Variants in EBF2 observed in about 807,000 individuals in gnomAD.
The protein encoded by EBF2 is transcription factor COE2.
In EBF2, 21 loss-of-function variants were observed where a neutral mutation model predicts 72.8. The observed-to-expected ratio is 0.29, with a 90% confidence interval of 0.20 to 0.42. The LOEUF is 0.42. Ranked by LOEUF, EBF2 falls within the 10% of genes least tolerant of loss-of-function variation. The pLI is 1.00. For synonymous variants in EBF2, 299 were observed against 274.2 expected, an observed-to-expected ratio of 1.09 and a Z score of -0.89; for missense variants, 637 against 731.2, an observed-to-expected ratio of 0.87 and a Z score of 1.49.
chr8:25,988,223 A>G (rs1236378095), intron 6 of EBF2, among the ~76,000 whole-genome samples: 2 of 152,080 alleles, frequency 1.3e-5, no homozygotes, highest in African/African-American at 4.8e-5. Context: ...CTCATCAAAG[A>G]GCTGCCCACA....
chr8:26,006,846 G>T (rs368410503), intron 6 of EBF2, among the ~76,000 whole-genome samples: 8 of 152,176 alleles, frequency 5.3e-5, no homozygotes, highest in Admixed American at 5.2e-4. Flanking sequence ...TGAGTAATTT[G>T]AACACAGCAG....
Position 26,044,799 on chromosome 8 carries a change from C to T in EBF2, c.61G>A (p.Ala21Thr), listed in dbSNP as rs545327036. Residue 21 changes from alanine (A) to threonine (T), a missense_variant, in exon 1 of 16, where the codon GCG becomes ACG. Transcript: ENST00000520164. This position sits in a 1 kb window ranked among gnomAD's most constrained non-coding sequence, Gnocchi z 4.1. ...GPTLKEKSLGAEMDSVRSWVR... is the reference protein window; with the variant it reads ...GPTLKEKSLGTEMDSVRSWVR... ...CAGGACCTGACCGAATCCATCTCCGCGCCCAGCGATTTCTCTTTCAGAGTT... is the reference window on the plus strand; with the variant it reads ...CAGGACCTGACCGAATCCATCTCCGTGCCCAGCGATTTCTCTTTCAGAGTT... 8 of 1,614,036 alleles carry T rather than the reference C, an allele frequency of 5.0e-6. No individual in the cohort carries two copies. In the African/African-American group the frequency reaches 1.1e-4, roughly 22 times the overall value.
rs145645016 is a variant in EBF2, at chr8:25,879,402, A to C, written c.1009+7353T>G. On this transcript the variant is annotated intron_variant, in intron 10 of 15. Transcript: ENST00000520164. ...GCAAACTCAATTATTTCCTAGGCAG[A>C]CATTTCTAGAAGTAGAATTGCTGGG... 6.5e-4 allele frequency among the ~76,000 whole-genome samples: 99 copies of C among 152,342 alleles called. No individual in the cohort carries two copies. The East Asian group carries it at 0.018, about 28-fold the overall frequency.
intron 6 of EBF2, among the ~76,000 whole-genome samples, chr8:25,918,526 A>G (rs1803261371): frequency 6.6e-6 from 1 of 152,242 alleles, no homozygotes; most frequent in Non-Finnish European, 1.5e-5. Context: ...TTGCTGAATT[A>G]TAATTAGACT....
intron 6 of EBF2, among the ~76,000 whole-genome samples, chr8:25,980,567 T>C (rs902324490): frequency 6.6e-6 from 1 of 152,090 alleles, no homozygotes; most frequent in African/African-American, 2.4e-5. Context: ...ACCGAATGGA[T>C]CCCAGTGGCA....
intron 8 of EBF2, 88 bp from the exon 9 acceptor site, chr8:25,888,060 T>G (rs1327228219): frequency 8.3e-6 from 12 of 1,446,662 alleles, no homozygotes; most frequent in Non-Finnish European, 1.1e-5. Context: ...GAAGAAGAAT[T>G]GTCTTGGGCC....
chr8:25,887,845 G>A lies in EBF2; in HGVS notation c.879C>T (p.Ser293=), dbSNP rs369804649. 1.4e-5 allele frequency: 23 copies of A among 1,599,702 alleles called. No individual in the cohort carries two copies. Among genetic ancestry groups the A allele is most frequent in the East Asian group, 6.7e-5 (3 of 44,620 alleles). The change falls in exon 9 of 16, where the codon AGC becomes AGT. Residue 293 remains serine (S), a synonymous_variant. Transcript: ENST00000520164. ...QVVFGTMLVW[S]ELITPHAIRV... is the part of the protein sequence containing the mutation. ...TAAGCCTGTTGCCTCTGCTTACCTC[G>A]CTCCATACAAGCATAGTCCCAAACA...
intron 6 of EBF2, among the ~76,000 whole-genome samples, chr8:26,028,893 A>T (rs1265305714): frequency 6.6e-6 from 1 of 152,230 alleles, no homozygotes; most frequent in Non-Finnish European, 1.5e-5. Context: ...ATTAATCAGG[A>T]GACCCTTGAT....
At chr8:26,031,707 ATTAC>A (rs1805409182) in intron 6 of EBF2, 1 of 152,074 alleles carries the variant, frequency 6.6e-6, no homozygotes, top group Non-Finnish European at 1.5e-5. Context: ...AAGTGCTGGG[ATTAC>A]AGGCGTGAGT....
At chr8:26,042,431 C>A (rs377240467) in intron 1 of EBF2, among the ~76,000 whole-genome samples, 180 bp from the exon 2 acceptor site, 1 of 152,060 alleles carries the variant, frequency 6.6e-6, no homozygotes. Context: ...AAGGAGTCAC[C>A]GTGGCCACGG....
chr8:25,874,471 A>T (rs1408742664), intron 10 of EBF2, among the ~76,000 whole-genome samples: 1 of 152,074 alleles, frequency 6.6e-6, no homozygotes, highest in African/African-American at 2.4e-5. Context: ...AGAGGGGGTT[A>T]GTTAGCATGA....
chr8:25,863,882 G>T (rs184214366), intron 10 of EBF2, among the ~76,000 whole-genome samples: 2 of 152,072 alleles, frequency 1.3e-5, no homozygotes, highest in Non-Finnish European at 2.9e-5. Context: ...GAGACATACC[G>T]TTCACACTGT....
intron 10 of EBF2, among the ~76,000 whole-genome samples, chr8:25,873,393 G>A (rs1418873455): frequency 6.6e-6 from 1 of 152,212 alleles, no homozygotes; most frequent in Non-Finnish European, 1.5e-5. Flanking sequence ...GGAGTAGAGG[G>A]TGGAGCTGAA....
rs190485770 is a variant in EBF2, at chr8:25,854,150, T to G, written c.1529-3389A>C. Among the ~76,000 whole-genome samples the G allele has an allele frequency of 9.7e-4, 146 of 150,942 alleles. No individual in the cohort carries two copies. In the East Asian group the frequency reaches 0.011, roughly 12 times the overall value. Reference sequence around the variant, plus strand: ...CCTTAGCAATAGACATAATAGTGTTTAAAAATAATTTTAACTTTCCTCTTT... The same window carrying G: ...CCTTAGCAATAGACATAATAGTGTTGAAAAATAATTTTAACTTTCCTCTTT... On this transcript the variant is annotated intron_variant, in intron 14 of 15. Coordinates refer to ENST00000520164, the MANE Select transcript of EBF2 (RefSeq NM_022659.4).
intron 6 of EBF2, among the ~76,000 whole-genome samples, chr8:25,956,072 G>A (rs563424889): frequency 6.6e-6 from 1 of 152,276 alleles, no homozygotes; most frequent in African/African-American, 2.4e-5. Context: ...TACCAAATGG[G>A]CAGGTGTGTA....
At position 25,844,493 on chromosome 8, in the gene EBF2, G is replaced by GTGTC; in HGVS notation, c.*112_*115dup. 8.4e-7 allele frequency: 1 copy of GTGTC among 1,189,912 alleles called. No individual in the cohort carries two copies. The highest frequency in any genetic ancestry group is 1.7e-5 in the Admixed American group (1 of 57,440). The allele number at this position is 1,189,912 out of a possible 1,614,324, so 73.7% of individuals were successfully genotyped here. On this transcript the variant is annotated 3_prime_UTR_variant, in exon 16 of 16. Coordinates refer to ENST00000520164, the MANE Select transcript of EBF2 (RefSeq NM_022659.4). ...ATGCTGGCTCCTTGCAGACCCAAGG[G>GTGTC]TGTCCATCATGTTCATGTGGGGGCA... is the stretch of plus-strand genomic sequence containing the variant.
In EBF2 at chr8:25,858,303, T is replaced by C. The variant is rs749684009; in HGVS notation, c.1528+16A>G. On this transcript the variant is annotated intron_variant, in intron 14 of 15. Transcript: ENST00000520164. ...CAAAAAAGCATGGAGAGCCAAGTGATGGAGAGGTCACTTACTTCCATAAGG... is the reference window on the plus strand; with the variant it reads ...CAAAAAAGCATGGAGAGCCAAGTGACGGAGAGGTCACTTACTTCCATAAGG... 3 of 1,613,812 alleles carry C rather than the reference T, an allele frequency of 1.9e-6. No individual in the cohort carries two copies. The highest frequency in any genetic ancestry group is 1.7e-6 in the Non-Finnish European group (2 of 1,179,778).
intron 6 of EBF2, among the ~76,000 whole-genome samples, chr8:25,915,241 TTAGCAAAATGCTG>T (rs1803191152): frequency 6.6e-6 from 1 of 152,044 alleles, no homozygotes; most frequent in Non-Finnish European, 1.5e-5. Flanking sequence ...TGTCTGACTC[TTAGCAAAATGCTG>T]GTCTGTTGGG....
chr8:26,020,588 G>T (rs1453526315), intron 6 of EBF2, among the ~76,000 whole-genome samples: 1 of 152,186 alleles, frequency 6.6e-6, no homozygotes, highest in Non-Finnish European at 1.5e-5. Flanking sequence ...AGCAAGGGAG[G>T]CCCAAAAACT....
Sources: allele counts gnomAD v4.1 joint callset (sites outside exome capture counted in the v4.1 genomes callset), GRCh38; gene constraint gnomAD v4.1.1; non-coding constraint Gnocchi (gnomAD v3.1); transcripts MANE v1.5; gene names NCBI Gene and HGNC (gene_info 2026-07-23, HGNC 2026-07-21).